The following NXPE3 variants were observed in gnomAD, a reference collection of about 807,000 sequenced individuals.
The protein encoded by NXPE3 is neurexophilin and PC-esterase domain family member 3.
In NXPE3, 26 loss-of-function variants were observed where a neutral mutation model predicts 46.1. That is an observed-to-expected ratio of 0.56 (90% CI 0.41 to 0.78). The LOEUF (loss-of-function observed/expected upper bound fraction) is 0.78, where lower values mean the gene tolerates loss of function less well. Ranked by LOEUF, NXPE3 falls within the 30% of genes least tolerant of loss-of-function variation. NXPE3 has a pLI of 0.00. For missense variants in NXPE3, 620 were observed against 686.0 expected (o/e 0.90, Z 1.07); for synonymous variants, 272 against 257.9 (o/e 1.05, Z -0.52).
Position 101,810,501 on chromosome 3 carries a change from C to A in NXPE3, c.922+3375C>A, listed in dbSNP as rs112659112. ...ATGTAAATATGATGGTATATAATTC[C>A]TATGATTTGATTATGTTATATGACA... On this transcript the variant is annotated intron_variant, in intron 6 of 7. Coordinates refer to ENST00000273347, the MANE Select transcript of NXPE3 (RefSeq NM_145037.4). Among the ~76,000 whole-genome samples, 19 of 152,208 alleles carry A rather than the reference C, an allele frequency of 1.2e-4. 1 individual carries two copies. Among genetic ancestry groups the A allele is most frequent in the African/African-American group, 4.6e-4 (19 of 41,522 alleles).
intron 6 of NXPE3, among the ~76,000 whole-genome samples, chr3:101,812,919 C>T (rs1250036401): frequency 6.8e-6 from 1 of 148,022 alleles, no homozygotes; most frequent in Admixed American, 6.8e-5. Context: ...ATATAGCATT[C>T]TTAGCTTACC....
chr3:101,788,044 G>T (rs1256550378), intron 4 of NXPE3, among the ~76,000 whole-genome samples: 5 of 151,996 alleles, frequency 3.3e-5, no homozygotes, highest in South Asian at 2.1e-4. Flanking sequence ...TTGCATCCTC[G>T]CCAGCACTTG....
rs1940127638 is a variant in NXPE3, at chr3:101,785,660, G to GA, written c.64_65insA (p.Val22AspfsTer15). ...TCTGCTTGCAGTGTTGATGGTGGTG[G>GA]TGCTGGTCATCAATGTTACTCAGGT... On this transcript the variant is annotated frameshift_variant, in exon 4 of 8. Transcript: ENST00000273347. LOFTEE classifies it high-confidence loss of function. The GA allele has an allele frequency of 6.2e-7, 1 of 1,613,904 alleles. No individual in the cohort carries two copies. The highest frequency in any genetic ancestry group is 1.7e-5 in the Admixed American group (1 of 59,990).
intron 4 of NXPE3, among the ~76,000 whole-genome samples, chr3:101,797,298 T>C (rs1196599736): frequency 6.6e-6 from 1 of 152,206 alleles, no homozygotes; most frequent in Non-Finnish European, 1.5e-5. Flanking sequence ...CTTGTTCATA[T>C]GAGGCAGTGT....
chr3:101,825,057 A>G lies in NXPE3; in HGVS notation c.*3103A>G, dbSNP rs1380199693. 6.6e-6 allele frequency: 1 copy of G among 152,100 alleles called. No homozygotes were observed. The highest frequency in any genetic ancestry group is 1.5e-5 in the Non-Finnish European group (1 of 68,012). The allele number at this position is 152,100 out of a possible 1,614,324, so 9.4% of individuals were successfully genotyped here. On this transcript the variant is annotated 3_prime_UTR_variant, in exon 8 of 8. Transcript: ENST00000273347. ...CATGTGCCAGTTTGTTTCATAGGTA[A>G]ACTTACGTCATGGGGGTTTGTTGTA...
At chr3:101,797,410 CTT>C (rs535694650) in intron 4 of NXPE3, among the ~76,000 whole-genome samples, 41 of 133,296 alleles carry the variant, frequency 3.1e-4, no homozygotes, top group African/African-American at 9.5e-4. Context: ...TTAAGCTATT[CTT>C]TTTTTTTTTT....
At chr3:101,804,826 A>G (rs1941333182) in intron 5 of NXPE3, among the ~76,000 whole-genome samples, 1 of 152,220 alleles carries the variant, frequency 6.6e-6, no homozygotes, top group South Asian at 2.1e-4. Flanking sequence ...GGAAAGGACA[A>G]CAGGGGTTTC....
At chr3:101,815,596 G>A (rs1289097603) in intron 6 of NXPE3, among the ~76,000 whole-genome samples, 1 of 152,184 alleles carries the variant, frequency 6.6e-6, no homozygotes, top group African/African-American at 2.4e-5. Flanking sequence ...GGGCATGGTG[G>A]CTCACGCCTG....
chr3:101,780,394 G>A (rs1336031337), intron 1 of NXPE3, among the ~76,000 whole-genome samples: 1 of 152,168 alleles, frequency 6.6e-6, no homozygotes, highest in East Asian at 1.9e-4. Context: ...AGTGGGGTTA[G>A]CCTTCCCCAT....
intron 1 of NXPE3, among the ~76,000 whole-genome samples, chr3:101,780,793 T>C (rs960272773): frequency 1.3e-5 from 2 of 152,210 alleles, no homozygotes; most frequent in African/African-American, 4.8e-5. Context: ...GTAACCTCCA[T>C]GAATACATGG....
intron 7 of NXPE3, among the ~76,000 whole-genome samples, chr3:101,821,123 C>G (rs779855507): frequency 2.0e-5 from 3 of 152,096 alleles, no homozygotes; most frequent in African/African-American, 2.4e-5. Flanking sequence ...TTTTGTTTTT[C>G]AGGCATAGAC....
rs773968419 is a variant in NXPE3 at position 101,801,622 on chromosome 3, GT to G, written c.482del (p.Val161GlyfsTer109). 7 of 1,614,088 alleles carry G rather than the reference GT, an allele frequency of 4.3e-6. No homozygotes were observed. In the Admixed American group the frequency reaches 5.0e-5, roughly 12 times the overall value. ...LKLQAGAVGRVVDYQNGFYKV... is the reference protein window; with the variant it reads ...LKLQAGAVGRXVDYQNGFYKV... ...GCTGCAGGCTGGGGCTGTGGGCAGGGTGGTGGATTACCAGAATGGGTTTTAC... is the reference window on the plus strand; with the variant it reads ...GCTGCAGGCTGGGGCTGTGGGCAGGGGGTGGATTACCAGAATGGGTTTTAC... On this transcript the variant is annotated frameshift_variant, in exon 5 of 8. Coordinates refer to ENST00000273347, the MANE Select transcript of NXPE3 (RefSeq NM_145037.4). LOFTEE classifies it high-confidence loss of function.
chr3:101,787,757 AAAGG>A (rs1361824739), intron 4 of NXPE3, among the ~76,000 whole-genome samples: 2 of 152,266 alleles, frequency 1.3e-5, no homozygotes, highest in East Asian at 3.8e-4. Context: ...TCAACCTTAA[AAAGG>A]AAGGAAATTC....
chr3:101,779,420 C>G (rs1939679467), intron 1 of NXPE3, 96 bp downstream of exon 1: 1 of 152,688 alleles, frequency 6.5e-6, no homozygotes, highest in Admixed American at 6.5e-5. Context: ...TCCTAGACTG[C>G]GAAGCCCCTC....
At chr3:101,787,962 C>T (rs1940289669) in intron 4 of NXPE3, among the ~76,000 whole-genome samples, 1 of 152,152 alleles carries the variant, frequency 6.6e-6, no homozygotes, top group Non-Finnish European at 1.5e-5. Flanking sequence ...TTTGAGGAAC[C>T]ACCATATTAT....
In NXPE3 at chr3:101,824,922, T is replaced by G. The variant is rs558938631; in HGVS notation, c.*2968T>G. 1.1e-4 allele frequency: 17 copies of G among 152,236 alleles called. No homozygotes were observed. The highest frequency in any genetic ancestry group is 2.2e-4 in the Non-Finnish European group (15 of 68,046). 9.4% of individuals were successfully genotyped at this position (152,236 alleles called of 1,614,324 possible). On this transcript the variant is annotated 3_prime_UTR_variant, in exon 8 of 8. Coordinates refer to ENST00000273347, the MANE Select transcript of NXPE3 (RefSeq NM_145037.4). ...TATGATCTTGTCTGGTTTTCTGTTA[T>G]TTTTTGATTTGGTGACATAGCTCTC... is the stretch of plus-strand genomic sequence containing the variant.
chr3:101,805,528 TC>T (rs1267626501), intron 5 of NXPE3, among the ~76,000 whole-genome samples: 1 of 152,004 alleles, frequency 6.6e-6, no homozygotes, highest in Non-Finnish European at 1.5e-5. Flanking sequence ...TCACTTGACT[TC>T]CTGGGGTCAA....
Position 101,801,448 on chromosome 3 carries a change from C to G in NXPE3, c.307C>G (p.Pro103Ala), listed in dbSNP as rs370390072. The stretch of plus-strand genomic sequence containing the variant: ...AGTCCCCTTTGTGAAGAGCACTGAC[C>G]CTTCTTCCAGCTACTTTGTCATCTT... ...GPVPFVKSTD[P>A]SSSYFVILNS... The change falls in exon 5 of 8, where the codon CCT (proline) becomes GCT (alanine). Residue 103 changes from proline to alanine, a missense_variant. By Grantham distance (27) the Pro-to-Ala change is conservative. Around this residue, in one of 3 missense-constraint regions of NXPE3, gnomAD observed 511 missense variants for 528.6 expected, o/e 0.97. Transcript: ENST00000273347. 8.1e-6 allele frequency: 13 copies of G among 1,614,042 alleles called. No individual in the cohort carries two copies. Among genetic ancestry groups the G allele is most frequent in the Admixed American group, 1.7e-5 (1 of 60,000 alleles).
At chr3:101,796,757 G>A (rs1940851210) in intron 4 of NXPE3, among the ~76,000 whole-genome samples, 2 of 152,188 alleles carry the variant, frequency 1.3e-5, no homozygotes, top group African/African-American at 4.8e-5. Flanking sequence ...GAAAATGTGT[G>A]TATGTTAGTA....
Sources: allele counts gnomAD v4.1 joint callset (sites outside exome capture counted in the v4.1 genomes callset), GRCh38; gene constraint gnomAD v4.1.1; regional missense constraint gnomAD v4.1.1; transcripts MANE v1.5; gene names NCBI Gene and HGNC (gene_info 2026-07-23, HGNC 2026-07-21).